The following MPG variants were observed in gnomAD, a reference collection of about 807,000 sequenced individuals.
MPG encodes N-methylpurine DNA glycosylase.
Under a neutral mutation model 31.7 loss-of-function variants are expected in MPG, and 33 were observed. The ratio of observed to expected loss-of-function variants is 1.04; its 90% CI spans 0.79 to 1.39. MPG has a LOEUF of 1.39. Ranked by LOEUF, MPG falls within the 40% of genes most tolerant of loss-of-function variation. The pLI, the probability that MPG is intolerant of heterozygous loss-of-function variation, is 0.00. For missense variants in MPG, 455 were observed against 415.5 expected (o/e 1.10, Z -0.83); for synonymous variants, 202 against 169.2 (o/e 1.19, Z -1.51).
chr16:79,754 T>C, intron 2 of MPG, 54 bp downstream of exon 2: 1 of 1,510,490 alleles, frequency 6.6e-7, no homozygotes, highest in Non-Finnish European at 8.9e-7. Flanking sequence ...ACTGCAGTTG[T>C]CCCTGAACCC....
chr16:78,304 C>T lies in MPG; in HGVS notation c.-6C>T, dbSNP rs1898146285. On this transcript the variant is annotated 5_prime_UTR_variant, in exon 1 of 4. Coordinates refer to ENST00000356432, the MANE Select transcript of MPG (RefSeq NM_001015052.3). ...AGTCCCACGAAGCCCCGGCCCGAGC[C>T]GCCGGATGCCCGCGCGCAGCGGGGC... 7.5e-7 allele frequency: 1 copy of T among 1,333,070 alleles called. No homozygotes were observed. The highest frequency in any genetic ancestry group is 3.2e-5 in the East Asian group (1 of 30,828). 82.6% of individuals were successfully genotyped at this position (1,333,070 alleles called of 1,614,324 possible).
At chr16:79,061 T>C in intron 1 of MPG, 1 of 1,434,736 alleles carries the variant, frequency 7.0e-7, no homozygotes, top group Non-Finnish European at 9.1e-7. Flanking sequence ...AGACGTTTGC[T>C]TGGGACCTGC....
At chr16:78,912 A>G (rs1596483064) in intron 1 of MPG, among the ~76,000 whole-genome samples, 1 of 152,270 alleles carries the variant, frequency 6.6e-6, no homozygotes, top group Non-Finnish European at 1.5e-5. Flanking sequence ...GAAGCAGAGG[A>G]CAGTTAGGGA....
intron 1 of MPG, 96 bp from the exon 2 acceptor site, chr16:79,329 C>G (rs773372256): frequency 3.1e-6 from 5 of 1,612,708 alleles, no homozygotes; most frequent in Non-Finnish European, 8.5e-7. Flanking sequence ...GAAACCAAAG[C>G]AGGTGGTCAG....
At position 85,481 on chromosome 16, in the gene MPG, C is replaced by T. The variant is rs200919197; in HGVS notation, c.586C>T (p.Arg196Trp). The T allele has an allele frequency of 5.6e-5, 90 of 1,613,072 alleles. No individual in the cohort carries two copies. The highest frequency in any genetic ancestry group is 5.9e-5 in the Non-Finnish European group (70 of 1,180,040). Residue 196 changes from arginine to tryptophan, a missense_variant, in exon 4 of 4, where the codon CGG (arginine) becomes TGG (tryptophan). Coordinates refer to ENST00000356432, the MANE Select transcript of MPG (RefSeq NM_001015052.3). ...CATGCGTCAGCTTCGCAGCACCCTC[C>T]GGAAAGGCACCGCCAGCCGTGTCCT... ...ETMRQLRSTLRKGTASRVLKD... is the reference protein window; with the variant it reads ...ETMRQLRSTLWKGTASRVLKD...
At position 78,273 on chromosome 16, in the gene MPG, G is replaced by C. The variant is rs932024556; in HGVS notation, c.-37G>C. On this transcript the variant is annotated 5_prime_UTR_variant, in exon 1 of 4. Transcript: ENST00000356432. ...CGGCGGCTGCTGGGCTCCGCGCCGG[G>C]GTCCGAGTCCCACGAAGCCCCGGCC... 2 of 1,369,118 alleles carry C rather than the reference G, an allele frequency of 1.5e-6. No homozygotes were observed. The highest frequency in any genetic ancestry group is 1.9e-6 in the Non-Finnish European group (2 of 1,057,216). 84.8% of individuals were successfully genotyped at this position (1,369,118 alleles called of 1,614,324 possible).
chr16:79,376 C>A (rs1302273948), intron 1 of MPG, 49 bp from the exon 2 acceptor site: 1 of 1,613,964 alleles, frequency 6.2e-7, no homozygotes, highest in Admixed American at 1.7e-5. Flanking sequence ...GACCTTACCA[C>A]ACAGCTGTCT....
At chr16:85,262 G>A in intron 3 of MPG, 139 bp from the exon 4 acceptor site, 1 of 996,122 alleles carries the variant, frequency 1.0e-6, no homozygotes, top group Non-Finnish European at 1.5e-6. Flanking sequence ...AGGAGATGGT[G>A]CAGGTGCACA....
At chr16:78,151 C>G, upstream of MPG, 1 of 510,202 alleles carries the variant, frequency 2.0e-6, no homozygotes, top group Non-Finnish European at 3.0e-6. Context: ...CCCGGGGGCG[C>G]AGCCAGTTCC....
chr16:79,221 C>T (rs571231300), intron 1 of MPG: 2 of 1,550,986 alleles, frequency 1.3e-6, no homozygotes, highest in East Asian at 2.4e-5. Context: ...AGCAGCCGTC[C>T]ATCGTCAGAC....
At chr16:79,933 A>G (rs1898196807) in intron 2 of MPG, 1 of 594,882 alleles carries the variant, frequency 1.7e-6, no homozygotes, top group South Asian at 2.1e-5. Context: ...CAGGGGTGCC[A>G]CTGTCTGCCC....
chr16:79,309 T>C, intron 1 of MPG, 116 bp from the exon 2 acceptor site: 1 of 1,605,780 alleles, frequency 6.2e-7, no homozygotes, highest in Non-Finnish European at 8.5e-7. Context: ...ACCCCCGCTT[T>C]GCAGATGAAG....
chr16:77,317 C>T (rs988947148), upstream of MPG, among the ~76,000 whole-genome samples: 8 of 152,164 alleles, frequency 5.3e-5, no homozygotes, highest in Non-Finnish European at 1.2e-4. Context: ...CTGCCATGGG[C>T]CGTGGGAGCC....
chr16:82,652 C>G (rs1044173912), intron 2 of MPG, among the ~76,000 whole-genome samples: 5 of 152,212 alleles, frequency 3.3e-5, no homozygotes, highest in African/African-American at 4.8e-5. Flanking sequence ...GGTCCTGTGC[C>G]TTCCGTGATG....
rs1176383716 is a variant in MPG, at chr16:79,413, T to TG, written c.25-12_25-11insG. On this transcript the variant is annotated splice_polypyrimidine_tract_variant and intron_variant, in intron 1 of 3. Coordinates refer to ENST00000356432, the MANE Select transcript of MPG (RefSeq NM_001015052.3). ...CTATTCGGATGCTTATTTATTTTTTTTCCCATTACAGTTTTGCCGACGGAT... is the reference window on the plus strand; with the variant it reads ...CTATTCGGATGCTTATTTATTTTTTTGTCCCATTACAGTTTTGCCGACGGAT... 1 of 1,613,580 alleles carries TG rather than the reference T, an allele frequency of 6.2e-7. No individual in the cohort carries two copies. Among genetic ancestry groups the TG allele is most frequent in the Admixed American group, 1.7e-5 (1 of 60,030 alleles).
At chr16:80,303 G>T (rs1898205618) in intron 2 of MPG, among the ~76,000 whole-genome samples, 1 of 152,242 alleles carries the variant, frequency 6.6e-6, no homozygotes, top group African/African-American at 2.4e-5. Flanking sequence ...AAAGCCCCAG[G>T]CCTGCCTTTC....
Position 80,362 on chromosome 16 carries a change from A to G in MPG, c.300+662A>G, listed in dbSNP as rs547118946. Among the ~76,000 whole-genome samples the G allele has an allele frequency of 5.9e-4, 90 of 152,316 alleles. 1 individual carries two copies. Among genetic ancestry groups the G allele is most frequent in the South Asian group, 2.5e-3 (12 of 4,826 alleles). On this transcript the variant is annotated intron_variant, in intron 2 of 3. Transcript: ENST00000356432. ...CTTCCCTTTGTCCTTTAATGAGCCTACTTTTAGGTTATAATCACCAAGAAG... is the reference window on the plus strand; with the variant it reads ...CTTCCCTTTGTCCTTTAATGAGCCTGCTTTTAGGTTATAATCACCAAGAAG...
In MPG at chr16:85,620, G is replaced by A; in HGVS notation, c.725G>A (p.Gly242Asp). 6.2e-7 allele frequency: 1 copy of A among 1,601,836 alleles called. No homozygotes were observed. ...AQDEAVWLERGPLEPSEPAVV... is the reference protein window; with the variant it reads ...AQDEAVWLERDPLEPSEPAVV... ...GATGAAGCTGTATGGCTGGAGCGTG[G>A]TCCCCTGGAGCCCAGTGAGCCGGCT... The change falls in exon 4 of 4, where the codon GGT becomes GAT. Residue 242 changes from glycine to aspartate, a missense_variant. Physicochemically the swap from Gly to Asp is moderately conservative, Grantham distance 94 (BLOSUM62 -1). Coordinates refer to ENST00000356432, the MANE Select transcript of MPG (RefSeq NM_001015052.3).
intron 2 of MPG, among the ~76,000 whole-genome samples, chr16:81,347 G>A (rs1222019085): frequency 6.6e-6 from 1 of 152,168 alleles, no homozygotes; most frequent in Non-Finnish European, 1.5e-5. Flanking sequence ...AAAGGGCTGT[G>A]GGAACCTCCT....
Sources: allele counts gnomAD v4.1 joint callset (sites outside exome capture counted in the v4.1 genomes callset), GRCh38; gene constraint gnomAD v4.1.1; transcripts MANE v1.5; gene names NCBI Gene and HGNC (gene_info 2026-07-23, HGNC 2026-07-21).